RGS5: variants seen among roughly 807,000 people sequenced by gnomAD.
The protein encoded by RGS5 is regulator of G protein signaling 5, also known as regulator of G-protein signalling 5.
RGS5 carries 20 observed loss-of-function variants against 18.9 expected under a neutral mutation model. That is an observed-to-expected ratio of 1.06 (90% CI 0.74 to 1.54). The LOEUF (loss-of-function observed/expected upper bound fraction) is 1.54. RGS5 is among the 40% of genes most tolerant of loss of function. The pLI, the probability that RGS5 is intolerant of heterozygous loss-of-function variation, is 0.00. For synonymous variants in RGS5, 57 were observed against 76.2 expected (o/e 0.75, Z 1.31); for missense variants, 201 against 211.8 (o/e 0.95, Z 0.32).
chr1:163,201,902 T>G (rs1161465395), intron 1 of RGS5, among the ~76,000 whole-genome samples: 2 of 152,174 alleles, frequency 1.3e-5, no homozygotes, highest in African/African-American at 4.8e-5. Context: ...ATCAAATCCA[T>G]TCTCAATAAA....
rs889488949 is a variant in RGS5, at chr1:163,199,257, T to A, written c.44+3535A>T. Among the ~76,000 whole-genome samples, 9 of 152,292 alleles carry A rather than the reference T, an allele frequency of 5.9e-5. 1 individual carries two copies. The highest frequency in any genetic ancestry group is 3.4e-3 in the Middle Eastern group (1 of 294). ...TATGGTTATTCATTGCCCAAATGTT[T>A]GAATTATTTGCCTCTTTAAACATAT... On this transcript the variant is annotated intron_variant, in intron 1 of 4. Coordinates refer to ENST00000313961, the MANE Select transcript of RGS5 (RefSeq NM_003617.4).
intron 2 of RGS5, among the ~76,000 whole-genome samples, chr1:163,167,320 G>A (rs1658096143): frequency 6.6e-6 from 1 of 152,196 alleles, no homozygotes; most frequent in Non-Finnish European, 1.5e-5. Flanking sequence ...GAATTTGAAT[G>A]CCTTGGCCTT....
At chr1:163,314,978 C>A (rs12730870) in intron 1 of RGS5, among the ~76,000 whole-genome samples, 39,402 of 152,084 alleles carry the variant, frequency 0.26, 6,114 homozygotes, top group Non-Finnish European at 0.36. Flanking sequence ...CTTGTTACAG[C>A]AGCCTGAACG....
chr1:163,167,697 T>C (rs1403905529), intron 2 of RGS5, among the ~76,000 whole-genome samples: 1 of 152,202 alleles, frequency 6.6e-6, no homozygotes, highest in African/African-American at 2.4e-5. Context: ...GCTAGTCCAG[T>C]ATTCGTTCTT....
At chr1:163,306,859 C>T (rs141609786) in intron 1 of RGS5, among the ~76,000 whole-genome samples, 52 of 152,176 alleles carry the variant, frequency 3.4e-4, no homozygotes, top group Admixed American at 7.8e-4. Context: ...GGCATGAAAC[C>T]GATTCATCCT....
chr1:163,210,583 C>A (rs1660081842), intron 1 of RGS5, among the ~76,000 whole-genome samples: 1 of 152,156 alleles, frequency 6.6e-6, no homozygotes, highest in Non-Finnish European at 1.5e-5. Flanking sequence ...CTATCACTGT[C>A]TAACTGTGAC....
intron 1 of RGS5, among the ~76,000 whole-genome samples, chr1:163,312,208 G>A (rs973947474): frequency 4.6e-5 from 7 of 152,136 alleles, no homozygotes; most frequent in Non-Finnish European, 8.8e-5. Context: ...TCTCTCACCT[G>A]CTGCCATGTA....
intron 2 of RGS5, among the ~76,000 whole-genome samples, chr1:163,253,600 G>A (rs1054710588): frequency 1.3e-5 from 2 of 150,146 alleles, no homozygotes; most frequent in African/African-American, 2.5e-5. Context: ...GTGAGCCACC[G>A]CACCTGGCCA....
At chr1:163,283,951 A>G (rs926205312) in intron 2 of RGS5, among the ~76,000 whole-genome samples, 11 of 152,180 alleles carry the variant, frequency 7.2e-5, no homozygotes, top group African/African-American at 2.7e-4. Context: ...GAGACCCTAA[A>G]CAGAAAATTC....
chr1:163,161,812 A>T lies in RGS5; in HGVS notation c.217+103T>A. On this transcript the variant is annotated intron_variant, in intron 3 of 4. Transcript: ENST00000313961. ...TTGATATCACCTTCAAAAATTGAAG[A>T]AATGTCAACATTGGGGAAGAAGAAC... 4 of 859,278 alleles carry T rather than the reference A, an allele frequency of 4.7e-6. No individual in the cohort carries two copies. The South Asian group carries it at 6.0e-5, about 13-fold the overall frequency. 53.2% of individuals were successfully genotyped at this position (859,278 alleles called of 1,614,324 possible).
In RGS5 at chr1:163,180,686, GTTTTT is replaced by G. The variant is rs1026995196; in HGVS notation, c.45-12323_45-12319del. 2.1e-3 allele frequency among the ~76,000 whole-genome samples: 132 copies of G among 61,972 alleles called. 2 individuals carry two copies. Among genetic ancestry groups the G allele is most frequent in the African/African-American group, 8.8e-3 (124 of 14,028 alleles). The allele number at this position is 61,972 out of a possible 152,430, so 40.7% of individuals were successfully genotyped here. A position where few individuals can be genotyped will look rare whatever the true frequency, so the allele number is the denominator to read the frequency against. The stretch of plus-strand genomic sequence containing the variant: ...CCCTTTGTAATAAAGCCCTTACCCT[GTTTTT>G]TTTTTTTTTTTTTTTTTTTTTGAGA... On this transcript the variant is annotated intron_variant, in intron 1 of 4. Coordinates refer to ENST00000313961, the MANE Select transcript of RGS5 (RefSeq NM_003617.4).
intron 2 of RGS5, among the ~76,000 whole-genome samples, chr1:163,225,153 T>C (rs67846072): frequency 0.16 from 23,805 of 152,152 alleles, 2,199 homozygotes; most frequent in Non-Finnish European, 0.2. Context: ...CTATGTTTCA[T>C]AGTTTCCATT....
At chr1:163,271,766 C>A (rs1290384018) in intron 2 of RGS5, among the ~76,000 whole-genome samples, 1 of 152,042 alleles carries the variant, frequency 6.6e-6, no homozygotes, top group African/African-American at 2.4e-5. Context: ...CATTTAAGTC[C>A]CTTTGTGGGC....
chr1:163,150,590 A>G (rs1220260401), intron 4 of RGS5, among the ~76,000 whole-genome samples: 1 of 152,196 alleles, frequency 6.6e-6, no homozygotes, highest in East Asian at 1.9e-4. Flanking sequence ...TAGAGCTAAC[A>G]TATGTGCTTA....
intron 2 of RGS5, among the ~76,000 whole-genome samples, chr1:163,253,979 C>T (rs549385024): frequency 2.1e-3 from 324 of 151,814 alleles, no homozygotes; most frequent in African/African-American, 7.7e-3. Flanking sequence ...AGCACATGAA[C>T]TCATCATTTT....
intron 2 of RGS5, among the ~76,000 whole-genome samples, chr1:163,303,973 C>T (rs1334534079): frequency 2.0e-5 from 3 of 152,146 alleles, no homozygotes; most frequent in East Asian, 1.9e-4. Flanking sequence ...TCCTGCTCCC[C>T]CAACCCATCC....
In RGS5 at chr1:163,181,687, A is replaced by C. The variant is rs184569042; in HGVS notation, c.45-13319T>G. Reference sequence around the variant, plus strand: ...ATGTATGTACTCCCAGTTAGATAGCAAGCTCCTTGAGGATGGGTGCCTTGT... The same window carrying C: ...ATGTATGTACTCCCAGTTAGATAGCCAGCTCCTTGAGGATGGGTGCCTTGT... On this transcript the variant is annotated intron_variant, in intron 1 of 4. Transcript: ENST00000313961. 1.5e-3 allele frequency among the ~76,000 whole-genome samples: 230 copies of C among 152,240 alleles called. 2 individuals carry two copies. The highest frequency in any genetic ancestry group is 5.0e-3 in the African/African-American group (207 of 41,530).
intron 2 of RGS5, among the ~76,000 whole-genome samples, chr1:163,163,722 A>G (rs1657909856): frequency 1.3e-5 from 2 of 152,236 alleles, no homozygotes; most frequent in Non-Finnish European, 2.9e-5. Flanking sequence ...TTTGCACACA[A>G]TAGACACCCA....
At chr1:163,186,690 G>A (rs1206479407) in intron 1 of RGS5, among the ~76,000 whole-genome samples, 1 of 151,230 alleles carries the variant, frequency 6.6e-6, no homozygotes, top group African/African-American at 2.4e-5. Context: ...ATAAAATGAA[G>A]ATGAAATGTA....
Sources: gnomAD v4.1 joint callset for allele counts (sites outside exome capture counted in the v4.1 genomes callset) on GRCh38, gnomAD v4.1.1 for gene constraint, MANE v1.5 for transcripts, NCBI Gene and HGNC (gene_info 2026-07-23, HGNC 2026-07-21) for gene names.